The following CCDC144A variants were observed in gnomAD, a reference collection of about 807,000 sequenced individuals.
The protein encoded by CCDC144A is coiled-coil domain-containing protein 144A.
CCDC144A carries 41 observed loss-of-function variants against 143.8 expected under a neutral mutation model. That is an observed-to-expected ratio of 0.29 (90% CI 0.22 to 0.37). The LOEUF (loss-of-function observed/expected upper bound fraction) is 0.37. Among genes scored for constraint, CCDC144A ranks in the 10% least tolerant of loss-of-function variants. The pLI is 1.00. For synonymous variants in CCDC144A, 242 were observed against 517.9 expected, an observed-to-expected ratio of 0.47 and a Z score of 7.23; for missense variants, 637 against 1,488.8, an observed-to-expected ratio of 0.43 and a Z score of 9.41.
At position 16,753,437 on chromosome 17, in the gene CCDC144A, T is replaced by TTGTTGTTGTTG. The variant is rs1914909558; in HGVS notation, c.3373-7987_3373-7986insGTTGTTGTTGT. Among the ~76,000 whole-genome samples, 252 of 123,142 alleles carry TTGTTGTTGTTG rather than the reference T, an allele frequency of 2.0e-3. 5 individuals carry two copies. The highest frequency in any genetic ancestry group is 0.012 in the African/African-American group (238 of 19,078). The allele number at this position is 123,142 out of a possible 152,430, so 80.8% of individuals were successfully genotyped here. On this transcript the variant is annotated intron_variant, in intron 12 of 16. Coordinates refer to ENST00000399273, the MANE Select transcript of CCDC144A (RefSeq NM_001382000.1). Reference sequence around the variant, plus strand: ...TTGTCAGTGTTTTGTAGTTTTTTTTTTTTTTTTTTTTTTTTTTTTGTAAAG... The same window carrying TTGTTGTTGTTG: ...TTGTCAGTGTTTTGTAGTTTTTTTTTTGTTGTTGTTGTTTTTTTTTTTTTTTTTTTGTAAAG...
chr17:16,722,038 C>T (rs1913121264), intron 8 of CCDC144A, among the ~76,000 whole-genome samples: 1 of 152,126 alleles, frequency 6.6e-6, no homozygotes. Flanking sequence ...GGAAAGCATT[C>T]AGTTTTTCAT....
chr17:16,749,153 C>A (rs1208773395), intron 12 of CCDC144A, among the ~76,000 whole-genome samples: 1 of 151,810 alleles, frequency 6.6e-6, no homozygotes, highest in Non-Finnish European at 1.5e-5. Flanking sequence ...TTATTTTGTT[C>A]TTGTTTTTTA....
rs1459968393 is a variant in CCDC144A at position 16,745,928 on chromosome 17, A to G, written c.3372+10285A>G. The G allele has an allele frequency of 1.0e-5, 16 of 1,603,724 alleles. No individual in the cohort carries two copies. The Admixed American group carries it at 2.6e-4, about 26-fold the overall frequency. ...TCTGCTCATCCTCACTCCTTCTGGA[A>G]AGCCGGTCAGGCTCGTGGTGAGCTC... is the stretch of plus-strand genomic sequence containing the variant. On this transcript the variant is annotated intron_variant, in intron 12 of 16. Coordinates refer to ENST00000399273, the MANE Select transcript of CCDC144A (RefSeq NM_001382000.1).
chr17:16,754,876 A>G (rs1914999650), intron 12 of CCDC144A, among the ~76,000 whole-genome samples: 1 of 152,200 alleles, frequency 6.6e-6, no homozygotes, highest in South Asian at 2.1e-4. Flanking sequence ...CTTTAGTTTC[A>G]GTGATGTTTG....
chr17:16,692,877 A>G (rs1397289681), intron 1 of CCDC144A, 102 bp from the exon 2 acceptor site: 2 of 999,472 alleles, frequency 2.0e-6, no homozygotes, highest in Non-Finnish European at 2.8e-6. Flanking sequence ...AAGTTCTGAT[A>G]TTAACTCTGA....
the CCDC144A span, among the ~76,000 whole-genome samples, chr17:16,682,584 G>GT: frequency 6.6e-6 from 1 of 151,882 alleles, no homozygotes; most frequent in Non-Finnish European, 1.5e-5. Flanking sequence ...TTAAAAAATA[G>GT]TAAAGGTGAG....
chr17:16,766,848 T>C (rs1915618994), intron 15 of CCDC144A, among the ~76,000 whole-genome samples: 1 of 152,150 alleles, frequency 6.6e-6, no homozygotes, highest in African/African-American at 2.4e-5. Flanking sequence ...GAAGGGGGTG[T>C]TCATTTTTTA....
intron 15 of CCDC144A, among the ~76,000 whole-genome samples, chr17:16,770,031 T>C (rs1915763863): frequency 6.6e-6 from 1 of 151,416 alleles, no homozygotes; most frequent in Non-Finnish European, 1.5e-5. Flanking sequence ...TTTCACCATA[T>C]TGTCCAGGCT....
chr17:16,674,356 G>C, the CCDC144A span, among the ~76,000 whole-genome samples: 7 of 152,130 alleles, frequency 4.6e-5, no homozygotes, highest in African/African-American at 7.2e-5. Flanking sequence ...TGAGGCTGCA[G>C]AAGGTAAAGT....
At chr17:16,767,294 CAAAAAAAAAA>C (rs765969718) in intron 15 of CCDC144A, 1 of 95,378 alleles carries the variant, frequency 1.0e-5, no homozygotes, top group Non-Finnish European at 2.0e-5. Context: ...GACTCCATCT[CAAAAAAAAAA>C]AAAAAAAAAA....
At chr17:16,682,932 T>C in the CCDC144A span, among the ~76,000 whole-genome samples, 29 of 134,022 alleles carry the variant, frequency 2.2e-4, no homozygotes, top group African/African-American at 8.1e-4. Context: ...GACAGAGTCT[T>C]GCTCTGTAAC....
upstream of CCDC144A, among the ~76,000 whole-genome samples, chr17:16,687,175 C>G (rs1910812402): frequency 6.6e-6 from 1 of 152,128 alleles, no homozygotes; most frequent in Admixed American, 6.5e-5. Flanking sequence ...AGTATGTAGT[C>G]ATTTAAAATT....
upstream of CCDC144A, among the ~76,000 whole-genome samples, chr17:16,685,818 C>T (rs971239848): frequency 1.3e-5 from 2 of 150,968 alleles, no homozygotes; most frequent in African/African-American, 2.4e-5. Context: ...ATTGCCCAGG[C>T]GGGAGTGGAA....
the CCDC144A span, chr17:16,667,234 A>AGGCTGAGG: frequency 1.0e-5 from 2 of 198,042 alleles, no homozygotes; most frequent in South Asian, 1.2e-4. Flanking sequence ...GGCGGCTGAG[A>AGGCTGAGG]GGCTGAGGGG....
At chr17:16,758,696 T>C (rs1236281067) in intron 12 of CCDC144A, among the ~76,000 whole-genome samples, 1 of 152,244 alleles carries the variant, frequency 6.6e-6, no homozygotes, top group Non-Finnish European at 1.5e-5. Context: ...TCATAAGCAA[T>C]GACCTGTGTT....
At chr17:16,739,513 G>T (rs1027678019) in intron 12 of CCDC144A, among the ~76,000 whole-genome samples, 16 of 151,416 alleles carry the variant, frequency 1.1e-4, no homozygotes, top group African/African-American at 3.4e-4. Flanking sequence ...AAGATTTATG[G>T]CTATGTTTTC....
intron 2 of CCDC144A, among the ~76,000 whole-genome samples, chr17:16,696,593 C>T (rs1418008048): frequency 1.4e-5 from 2 of 147,482 alleles, no homozygotes; most frequent in Admixed American, 6.7e-5. Context: ...AAGATCGCAC[C>T]ACTGCACTCC....
intron 12 of CCDC144A, among the ~76,000 whole-genome samples, chr17:16,752,433 T>C (rs1415788703): frequency 6.6e-6 from 1 of 152,080 alleles, no homozygotes; most frequent in Non-Finnish European, 1.5e-5. Context: ...ACATATGAAC[T>C]TGGGCCCTCT....
intron 6 of CCDC144A, among the ~76,000 whole-genome samples, chr17:16,719,750 A>AAT (rs1423560917): frequency 6.6e-6 from 1 of 151,950 alleles, no homozygotes; most frequent in Admixed American, 6.6e-5. Context: ...AAAGCTTACT[A>AAT]ATATCATCAT....
Sources: allele counts gnomAD v4.1 joint callset (sites outside exome capture counted in the v4.1 genomes callset), GRCh38; gene constraint gnomAD v4.1.1; transcripts MANE v1.5; gene names NCBI Gene and HGNC (gene_info 2026-07-23, HGNC 2026-07-21).